UMAD1: variants seen among roughly 807,000 people sequenced by gnomAD.
UMAD1 encodes the protein UBAP1-MVB12-associated (UMA)-domain containing protein 1.
UMAD1 carries 8 observed loss-of-function variants against 6.1 expected under a neutral mutation model. The ratio of observed to expected loss-of-function variants is 1.30; its 90% CI spans 0.76 to 2.35. UMAD1 has a LOEUF of 2.35. UMAD1 is among the 30% of genes most tolerant of loss of function. The pLI, the probability that UMAD1 is intolerant of heterozygous loss-of-function variation, is 0.00. For synonymous variants in UMAD1, 56 were observed against 31.4 expected, an observed-to-expected ratio of 1.78 and a Z score of -2.61; for missense variants, 130 against 78.4, an observed-to-expected ratio of 1.66 and a Z score of -2.49.
At chr7:7,831,920 G>T (rs28377069) in intron 3 of UMAD1, among the ~76,000 whole-genome samples, 2,667 of 152,232 alleles carry the variant, frequency 0.018, 87 homozygotes, top group African/African-American at 0.06. Context: ...GCCAGATGTG[G>T]ATACAATTAA....
intron 2 of UMAD1, among the ~76,000 whole-genome samples, chr7:7,741,781 G>A (rs979936046): frequency 2.0e-5 from 3 of 151,766 alleles, no homozygotes; most frequent in African/African-American, 7.2e-5. Context: ...TATGATAAGA[G>A]CAGAGAAAAA....
At chr7:7,804,960 G>GTA (rs1563220066) in intron 3 of UMAD1, among the ~76,000 whole-genome samples, 47 of 152,000 alleles carry the variant, frequency 3.1e-4, no homozygotes, top group African/African-American at 1.1e-3. Flanking sequence ...CAGCCTGGGC[G>GTA]ACAGAGCGGA....
chr7:7,663,816 A>G (rs1271476941), intron 1 of UMAD1, among the ~76,000 whole-genome samples: 1 of 152,198 alleles, frequency 6.6e-6, no homozygotes, highest in African/African-American at 2.4e-5. Flanking sequence ...TAGGAATTAC[A>G]TGCATGACTA....
intron 2 of UMAD1, among the ~76,000 whole-genome samples, chr7:7,781,860 G>T (rs1178725993): frequency 1.7e-5 from 2 of 119,096 alleles, no homozygotes; most frequent in African/African-American, 3.4e-5. Flanking sequence ...ATAGAAAAAT[G>T]GTAACCTTGA....
At chr7:7,815,969 G>A (rs778312928) in intron 3 of UMAD1, among the ~76,000 whole-genome samples, 1 of 152,096 alleles carries the variant, frequency 6.6e-6, no homozygotes, top group Non-Finnish European at 1.5e-5. Flanking sequence ...GTGATGCCTG[G>A]ATTCTATTTA....
chr7:7,857,238 G>A (rs1256926741), intron 3 of UMAD1, among the ~76,000 whole-genome samples: 2 of 152,162 alleles, frequency 1.3e-5, no homozygotes, highest in African/African-American at 4.8e-5. Flanking sequence ...CCACAGTTAA[G>A]GGTCCACCCG....
At chr7:7,869,293 G>A (rs1472886215) in intron 3 of UMAD1, among the ~76,000 whole-genome samples, 2 of 152,182 alleles carry the variant, frequency 1.3e-5, no homozygotes, top group African/African-American at 4.8e-5. Flanking sequence ...TATCTAGGGA[G>A]ATAAAGTGAC....
intron 2 of UMAD1, among the ~76,000 whole-genome samples, chr7:7,675,750 G>A (rs1779722771): frequency 1.3e-5 from 2 of 152,130 alleles, no homozygotes; most frequent in Admixed American, 6.5e-5. Context: ...AACAGTCATG[G>A]TGAGGAATCA....
chr7:7,774,716 C>A (rs115825489), intron 2 of UMAD1, among the ~76,000 whole-genome samples: 2,296 of 152,302 alleles, frequency 0.015, 56 homozygotes, highest in African/African-American at 0.052. Context: ...TCCCAACCCA[C>A]TGCTTTCTCA....
rs1209616307 is a variant in UMAD1, at chr7:7,788,247, G to A, written c.83-13423G>A. ...CGTATGACTTGTAAAGCAGACATGC[G>A]TTTTATTGGGGTAGTCTTGAGGTAG... On this transcript the variant is annotated intron_variant, in intron 2 of 3. Coordinates refer to ENST00000682710, the MANE Select transcript of UMAD1 (RefSeq NM_001302348.2). 3.3e-5 allele frequency among the ~76,000 whole-genome samples: 5 copies of A among 152,302 alleles called. No individual in the cohort carries two copies. In the Middle Eastern group the frequency reaches 0.01, roughly 311 times the overall value.
At chr7:7,858,432 A>G (rs1784058809) in intron 3 of UMAD1, among the ~76,000 whole-genome samples, 1 of 152,238 alleles carries the variant, frequency 6.6e-6, no homozygotes, top group Non-Finnish European at 1.5e-5. Flanking sequence ...GGCTGTAAGC[A>G]TAGTTTCTAT....
chr7:7,805,734 C>G (rs1782899963), intron 3 of UMAD1, among the ~76,000 whole-genome samples: 1 of 152,136 alleles, frequency 6.6e-6, no homozygotes, highest in South Asian at 2.1e-4. Flanking sequence ...TTTCCTATCT[C>G]AGGCTTTGTA....
intron 3 of UMAD1, among the ~76,000 whole-genome samples, chr7:7,816,485 T>C (rs984630558): frequency 6.6e-6 from 1 of 152,170 alleles, no homozygotes; most frequent in Non-Finnish European, 1.5e-5. Flanking sequence ...AAGTGGTGCT[T>C]CTCTCTTATC....
At chr7:7,833,076 G>T (rs956080967) in intron 3 of UMAD1, among the ~76,000 whole-genome samples, 2 of 152,174 alleles carry the variant, frequency 1.3e-5, no homozygotes, top group African/African-American at 2.4e-5. Context: ...GACTGGAAAG[G>T]CAGCTTGGGA....
chr7:7,711,716 A>C (rs1403613629), intron 2 of UMAD1, among the ~76,000 whole-genome samples: 1 of 152,084 alleles, frequency 6.6e-6, no homozygotes, highest in East Asian at 1.9e-4. Flanking sequence ...AGTTGATTCT[A>C]AGGGGATCTA....
intron 2 of UMAD1, among the ~76,000 whole-genome samples, chr7:7,693,335 C>G (rs980968656): frequency 6.6e-6 from 1 of 151,444 alleles, no homozygotes; most frequent in African/African-American, 2.4e-5. Context: ...ATCTATCTAT[C>G]TACATTATTT....
intron 2 of UMAD1, among the ~76,000 whole-genome samples, chr7:7,769,707 C>T (rs963858020): frequency 1.2e-4 from 18 of 152,114 alleles, no homozygotes; most frequent in African/African-American, 4.1e-4. Flanking sequence ...GCATGTCCTA[C>T]GACGGAGTCC....
In UMAD1 at chr7:7,817,222, C is replaced by A. The variant is rs6957893; in HGVS notation, c.156+15479C>A. On this transcript the variant is annotated intron_variant, in intron 3 of 3. Coordinates refer to ENST00000682710, the MANE Select transcript of UMAD1 (RefSeq NM_001302348.2). Reference sequence around the variant, plus strand: ...GCTCAAATATCTTTCATCTTCAATGCCATTTAGTCTCCCCTCTGGTCCCTT... The same window carrying A: ...GCTCAAATATCTTTCATCTTCAATGACATTTAGTCTCCCCTCTGGTCCCTT... Among the ~76,000 whole-genome samples the A allele has an allele frequency of 1.7e-3, 252 of 152,212 alleles. 2 individuals carry two copies. Among genetic ancestry groups the A allele is most frequent in the African/African-American group, 5.6e-3 (233 of 41,546 alleles).
At chr7:7,814,839 C>G (rs2115288862) in intron 3 of UMAD1, among the ~76,000 whole-genome samples, 1 of 152,198 alleles carries the variant, frequency 6.6e-6, no homozygotes, top group East Asian at 1.9e-4. Flanking sequence ...TACACACTTA[C>G]CTCCAGTGCG....
Sources: gnomAD v4.1 joint callset for allele counts (sites outside exome capture counted in the v4.1 genomes callset) on GRCh38, gnomAD v4.1.1 for gene constraint, MANE v1.5 for transcripts, NCBI Gene and HGNC (gene_info 2026-07-23, HGNC 2026-07-21) for gene names.